Variants in CACNG8 observed in about 807,000 individuals in gnomAD.
The protein encoded by CACNG8 is voltage-dependent calcium channel gamma-8 subunit.
CACNG8 carries 5 observed loss-of-function variants against 26.9 expected under a neutral mutation model. The observed-to-expected ratio is 0.19, with a 90% CI of 0.10 to 0.39. The LOEUF (loss-of-function observed/expected upper bound fraction) is 0.39. Among genes scored for constraint, CACNG8 ranks in the 10% least tolerant of loss-of-function variants. CACNG8 has a pLI of 1.00. For missense variants in CACNG8, 473 were observed against 609.4 expected, an observed-to-expected ratio of 0.78 and a Z score of 2.36; for synonymous variants, 321 against 296.7, an observed-to-expected ratio of 1.08 and a Z score of -0.84.
At chr19:53,981,445 C>A (rs929807602) in intron 3 of CACNG8, among the ~76,000 whole-genome samples, 1 of 151,804 alleles carries the variant, frequency 6.6e-6, no homozygotes. Flanking sequence ...GGGTTTAGAC[C>A]AGCAGAGTTG....
At chr19:53,978,058 G>A in intron 1 of CACNG8, 88 bp from the exon 2 acceptor site, 2 of 868,700 alleles carry the variant, frequency 2.3e-6, no homozygotes, top group Non-Finnish European at 3.8e-6. Context: ...AAGGGGTTTG[G>A]GGAAGGGAAG....
intron 2 of CACNG8, 122 bp from the exon 3 acceptor site, chr19:53,979,745 G>A: frequency 9.9e-7 from 1 of 1,010,736 alleles, no homozygotes; most frequent in Admixed American, 2.9e-5. Context: ...AACACAGCCG[G>A]AGAGAGAGAA....
intron 2 of CACNG8, among the ~76,000 whole-genome samples, chr19:53,979,618 A>G (rs961705086): frequency 6.6e-6 from 1 of 152,216 alleles, no homozygotes; most frequent in Non-Finnish European, 1.5e-5. Context: ...AAGAGAGAGA[A>G]AAATAGTCCG....
At chr19:53,973,510 G>A (rs1158684946) in intron 1 of CACNG8, among the ~76,000 whole-genome samples, 1 of 151,706 alleles carries the variant, frequency 6.6e-6, no homozygotes, top group African/African-American at 2.4e-5. Context: ...GAAACAGAGT[G>A]AGACTCTATC....
rs749888350 is a variant in CACNG8 at position 53,979,861 on chromosome 19, C to A, written c.368-6C>A. 1.3e-6 allele frequency: 2 copies of A among 1,596,492 alleles called. No individual in the cohort carries two copies. Among genetic ancestry groups the A allele is most frequent in the Non-Finnish European group, 1.7e-6 (2 of 1,169,660 alleles). ...CCCTCCTTTTCCTTTCCTTCCTCCC[C>A]CGCAGGAGTTGTCCGGGCCTCCAGC... On this transcript the variant is annotated splice_region_variant and splice_polypyrimidine_tract_variant and intron_variant, in intron 2 of 3. Transcript: ENST00000270458.
intron 1 of CACNG8, among the ~76,000 whole-genome samples, chr19:53,964,995 G>A (rs769671423): frequency 1.3e-5 from 2 of 152,026 alleles, no homozygotes; most frequent in Non-Finnish European, 2.9e-5. Context: ...GAGTGTTCAC[G>A]ACAAGCCGGG....
At chr19:53,966,080 A>ATTAT (rs531572254) in intron 1 of CACNG8, among the ~76,000 whole-genome samples, 2,847 of 131,098 alleles carry the variant, frequency 0.022, 73 homozygotes, top group African/African-American at 0.075. Context: ...TTTTTTAAAA[A>ATTAT]TTATTTATTT....
chr19:53,965,574 G>A (rs532893103), intron 1 of CACNG8, among the ~76,000 whole-genome samples: 9 of 151,756 alleles, frequency 5.9e-5, no homozygotes, highest in African/African-American at 2.2e-4. Flanking sequence ...TCATTCATTC[G>A]TTCATTCAAC....
chr19:53,974,879 A>G (rs936940259), intron 1 of CACNG8, among the ~76,000 whole-genome samples: 1 of 149,674 alleles, frequency 6.7e-6, no homozygotes, highest in Non-Finnish European at 1.5e-5. Flanking sequence ...TGACCACGTG[A>G]TCCGCCCACC....
intron 1 of CACNG8, among the ~76,000 whole-genome samples, chr19:53,972,609 G>A (rs990107183): frequency 8.6e-5 from 13 of 150,392 alleles, no homozygotes; most frequent in African/African-American, 3.2e-4. Context: ...TGATCCACCC[G>A]CTTTGGCCTC....
At chr19:53,979,615 A>G (rs866345007) in intron 2 of CACNG8, among the ~76,000 whole-genome samples, 30 of 152,330 alleles carry the variant, frequency 2.0e-4, no homozygotes, top group Middle Eastern at 6.8e-3. Flanking sequence ...TCCAAGAGAG[A>G]GAAAAATAGT....
chr19:53,968,768 CA>C (rs34461203), intron 1 of CACNG8, among the ~76,000 whole-genome samples: 2,527 of 50,076 alleles, frequency 0.05, 6 homozygotes, highest in Middle Eastern at 0.08. Context: ...GACTCTATCT[CA>C]AAAAAAAAAA....
At chr19:53,980,619 G>C (rs2069360900) in intron 3 of CACNG8, among the ~76,000 whole-genome samples, 1 of 152,140 alleles carries the variant, frequency 6.6e-6, no homozygotes, top group Non-Finnish European at 1.5e-5. Flanking sequence ...ACGGGGCGAT[G>C]CCTGGAAAAG....
intron 1 of CACNG8, among the ~76,000 whole-genome samples, chr19:53,972,236 T>C (rs2069306504): frequency 6.6e-6 from 1 of 152,024 alleles, no homozygotes; most frequent in Non-Finnish European, 1.5e-5. Context: ...CCTCAGGTGA[T>C]CTGCCCACCT....
intron 1 of CACNG8, among the ~76,000 whole-genome samples, chr19:53,965,332 G>A (rs1335906633): frequency 3.9e-5 from 6 of 152,264 alleles, no homozygotes; most frequent in South Asian, 2.1e-4. Context: ...ACGATGGGCC[G>A]GATCTGAGCA....
intron 1 of CACNG8, among the ~76,000 whole-genome samples, chr19:53,975,311 T>C (rs2069324543): frequency 6.6e-6 from 1 of 152,218 alleles, no homozygotes. Flanking sequence ...ACTGTGGTTT[T>C]GATTGCATTT....
At chr19:53,974,417 C>T (rs1373819080) in intron 1 of CACNG8, among the ~76,000 whole-genome samples, 8 of 152,074 alleles carry the variant, frequency 5.3e-5, no homozygotes, top group South Asian at 2.1e-4. Flanking sequence ...ACTATGAACA[C>T]GAGTGTATGA....
chr19:53,982,414 C>T lies in CACNG8; in HGVS notation c.843C>T (p.Ser281=). ...GCTCCCGCTCTAGCTCCCGCTCCAG[C>T]GAGCCGTCGCCGTCGCGGGACGCGT... The change falls in exon 4 of 4, where the codon AGC becomes AGT. Residue 281 remains serine, a synonymous_variant. Coordinates refer to ENST00000270458, the MANE Select transcript of CACNG8 (RefSeq NM_031895.6). The surrounding 1 kb of genome is among the most constrained non-coding windows in gnomAD (Gnocchi z 8.4). 6.6e-7 allele frequency: 1 copy of T among 1,521,136 alleles called. No individual in the cohort carries two copies. Among genetic ancestry groups the T allele is most frequent in the African/African-American group, 1.4e-5 (1 of 70,410 alleles). 94.2% of individuals were successfully genotyped at this position (1,521,136 alleles called of 1,614,324 possible). A position where few individuals can be genotyped will look rare whatever the true frequency, so the allele number is the denominator to read the frequency against.
chr19:53,978,414 C>T (rs1183682968), intron 2 of CACNG8, among the ~76,000 whole-genome samples, 185 bp downstream of exon 2: 1 of 152,126 alleles, frequency 6.6e-6, no homozygotes, highest in East Asian at 1.9e-4. Context: ...TGACTGATCT[C>T]GTTCCCGCCC....
Sources: gnomAD v4.1 joint callset for allele counts (sites outside exome capture counted in the v4.1 genomes callset) on GRCh38, gnomAD v4.1.1 for gene constraint, Gnocchi (gnomAD v3.1) non-coding constraint, MANE v1.5 for transcripts, NCBI Gene and HGNC (gene_info 2026-07-23, HGNC 2026-07-21) for gene names.